The following GRIK2 variants were observed in gnomAD, a reference collection of about 807,000 sequenced individuals.
GRIK2 encodes glutamate ionotropic receptor kainate type subunit 2.
A neutral mutation model predicts 100.3 loss-of-function variants in GRIK2; 32 were observed. That is an observed-to-expected ratio of 0.32 (90% CI 0.24 to 0.43). The LOEUF is 0.43. GRIK2 is among the 20% of genes least tolerant of loss of function. The pLI, the probability that GRIK2 is intolerant of heterozygous loss-of-function variation, is 1.00. For synonymous variants in GRIK2, 417 were observed against 389.4 expected (o/e 1.07, Z -0.83); for missense variants, 843 against 1,114.9 (o/e 0.76, Z 3.47).
intron 7 of GRIK2, among the ~76,000 whole-genome samples, chr6:101,770,829 A>G (rs1356807938): frequency 6.6e-6 from 1 of 152,170 alleles, no homozygotes; most frequent in Non-Finnish European, 1.5e-5. Context: ...TTTGGCAGGT[A>G]TAGTGTGTTC....
rs149936212 is a variant in GRIK2, at chr6:101,698,062, A to C, written c.951+11709A>C. Among the ~76,000 whole-genome samples the C allele has an allele frequency of 2.5e-4, 38 of 152,244 alleles. No homozygotes were observed. The East Asian group carries it at 7.0e-3, about 28-fold the overall frequency. ...TAAGAATGCAACTGTGTAAATATTT[A>C]CTTACTTTTAAATTTAAGAGTAGGT... On this transcript the variant is annotated intron_variant, in intron 7 of 16. Transcript: ENST00000369134.
chr6:101,626,644 A>G lies in GRIK2; in HGVS notation c.541+7A>G. 1 of 1,611,742 alleles carries G rather than the reference A, an allele frequency of 6.2e-7. No individual in the cohort carries two copies. The highest frequency in any genetic ancestry group is 8.5e-7 in the Non-Finnish European group (1 of 1,178,180). The stretch of plus-strand genomic sequence containing the variant: ...GTGTATGATGACAGCACTGGTAAGA[A>G]AAATCAGTATCTTTTGGAGCTATGC... On this transcript the variant is annotated splice_region_variant and intron_variant, in intron 4 of 16. Coordinates refer to ENST00000369134, the MANE Select transcript of GRIK2 (RefSeq NM_021956.5).
chr6:101,873,568 T>G (rs1343606167), intron 11 of GRIK2, among the ~76,000 whole-genome samples: 3 of 152,012 alleles, frequency 2.0e-5, no homozygotes, highest in East Asian at 1.9e-4. Context: ...ATGTGCATGT[T>G]TCTTTATAGC....
At chr6:101,421,365 C>T (rs1170444558) in intron 2 of GRIK2, among the ~76,000 whole-genome samples, 1 of 152,194 alleles carries the variant, frequency 6.6e-6, no homozygotes, top group Non-Finnish European at 1.5e-5. Flanking sequence ...TTAGGGTTTA[C>T]TCGCACGGAA....
At chr6:101,847,665 A>G (rs949201351) in intron 10 of GRIK2, among the ~76,000 whole-genome samples, 4 of 152,088 alleles carry the variant, frequency 2.6e-5, no homozygotes, top group African/African-American at 7.2e-5. Context: ...GCAGTTTACA[A>G]TTCTGCCCTA....
chr6:101,488,572 A>T (rs1772946870), intron 2 of GRIK2, among the ~76,000 whole-genome samples: 1 of 146,502 alleles, frequency 6.8e-6, no homozygotes, highest in African/African-American at 2.6e-5. Context: ...CGATAGATGG[A>T]TGTCTTCATT....
intron 10 of GRIK2, among the ~76,000 whole-genome samples, chr6:101,821,654 TAA>T (rs201968526): frequency 6.6e-6 from 1 of 151,516 alleles, no homozygotes; most frequent in Non-Finnish European, 1.5e-5. Flanking sequence ...ACCTTTTAGT[TAA>T]AAAAAAATTC....
At chr6:102,010,459 C>T (rs1490261804) in intron 14 of GRIK2, among the ~76,000 whole-genome samples, 1 of 151,954 alleles carries the variant, frequency 6.6e-6, no homozygotes, top group Non-Finnish European at 1.5e-5. Flanking sequence ...TCTAGGCTCA[C>T]TGCAACCTCC....
intron 2 of GRIK2, among the ~76,000 whole-genome samples, chr6:101,435,556 C>T (rs1315616321): frequency 2.0e-5 from 3 of 151,998 alleles, no homozygotes; most frequent in African/African-American, 7.3e-5. Flanking sequence ...CATCTCCAGG[C>T]GTCTCCCTTT....
chr6:101,494,680 C>G (rs1032157012), intron 2 of GRIK2, among the ~76,000 whole-genome samples: 3 of 151,554 alleles, frequency 2.0e-5, no homozygotes, highest in Admixed American at 2.0e-4. Flanking sequence ...CCTGTAATCC[C>G]AGCACTTTGG....
chr6:101,402,861 C>A (rs993951409), intron 2 of GRIK2, among the ~76,000 whole-genome samples: 6 of 152,236 alleles, frequency 3.9e-5, no homozygotes, highest in Admixed American at 2.6e-4. Context: ...GCAGCTGCGT[C>A]CCGGCCTTGC....
chr6:102,052,600 G>T (rs1562141319), intron 15 of GRIK2, among the ~76,000 whole-genome samples: 1 of 152,134 alleles, frequency 6.6e-6, no homozygotes, highest in African/African-American at 2.4e-5. Flanking sequence ...GAAGATACTG[G>T]AATAGACATC....
intron 14 of GRIK2, among the ~76,000 whole-genome samples, chr6:101,991,596 G>T (rs1259589738): frequency 6.6e-6 from 1 of 151,084 alleles, no homozygotes; most frequent in South Asian, 2.1e-4. Flanking sequence ...AAAAAATTCA[G>T]AAAATTATAG....
chr6:101,431,006 ATACTAGTAG>A (rs1331494877), intron 2 of GRIK2: 1 of 258,414 alleles, frequency 3.9e-6, no homozygotes, highest in Non-Finnish European at 8.3e-6. Flanking sequence ...GTCCATGACA[ATACTAGTAG>A]TACTACCGGA....
chr6:101,402,016 C>G (rs1490974747), intron 2 of GRIK2, among the ~76,000 whole-genome samples: 2 of 152,184 alleles, frequency 1.3e-5, no homozygotes, highest in Non-Finnish European at 2.9e-5. Flanking sequence ...ACCCCAGCCC[C>G]CCTTCCCCGC....
At chr6:101,658,792 T>C (rs1292867481) in intron 4 of GRIK2, among the ~76,000 whole-genome samples, 1 of 152,228 alleles carries the variant, frequency 6.6e-6, no homozygotes, top group Non-Finnish European at 1.5e-5. Context: ...ATGAGCTTTT[T>C]TTCATATATT....
chr6:101,493,937 A>G (rs1023746887), intron 2 of GRIK2, among the ~76,000 whole-genome samples: 1 of 142,456 alleles, frequency 7.0e-6, no homozygotes, highest in African/African-American at 2.5e-5. Context: ...TATATATAAT[A>G]TGTATTTATA....
chr6:101,860,255 A>G (rs1784659040), intron 11 of GRIK2, among the ~76,000 whole-genome samples: 1 of 152,120 alleles, frequency 6.6e-6, no homozygotes, highest in African/African-American at 2.4e-5. Context: ...GGGTTGCAGC[A>G]TGCACGGTGG....
intron 7 of GRIK2, among the ~76,000 whole-genome samples, chr6:101,790,816 G>A (rs956001432): frequency 2.0e-5 from 3 of 151,230 alleles, no homozygotes; most frequent in South Asian, 2.1e-4. Flanking sequence ...GGTAGAATTC[G>A]GCTGTGAATC....
Sources: gnomAD v4.1 joint callset for allele counts (sites outside exome capture counted in the v4.1 genomes callset) on GRCh38, gnomAD v4.1.1 for gene constraint, MANE v1.5 for transcripts, NCBI Gene and HGNC (gene_info 2026-07-23, HGNC 2026-07-21) for gene names.